The following UBE2L3 variants were observed in gnomAD, a reference collection of about 807,000 sequenced individuals.
UBE2L3 encodes the protein ubiquitin conjugating enzyme E2 L3.
Under a neutral mutation model 17.8 loss-of-function variants are expected in UBE2L3, and 1 was observed. The ratio of observed to expected loss-of-function variants is 0.06; its 90% CI spans 0.02 to 0.27. UBE2L3 has a LOEUF of 0.27. Ranked by LOEUF, UBE2L3 falls within the 10% of genes least tolerant of loss-of-function variation. UBE2L3 has a pLI of 1.00. For synonymous variants in UBE2L3, 44 were observed against 68.5 expected, an observed-to-expected ratio of 0.64 and a Z score of 1.76; for missense variants, 40 against 192.6, an observed-to-expected ratio of 0.21 and a Z score of 4.69.
intron 1 of UBE2L3, 165 bp downstream of exon 1, chr22:21,567,936 G>C: frequency 7.0e-7 from 1 of 1,425,586 alleles, no homozygotes; most frequent in South Asian, 1.5e-5. Flanking sequence ...AACGGGGCTG[G>C]CCTAGGCCGC....
At chr22:21,563,040 G>A (rs1438070416), upstream of UBE2L3, among the ~76,000 whole-genome samples, 2 of 151,050 alleles carry the variant, frequency 1.3e-5, no homozygotes, top group East Asian at 2.0e-4. Context: ...TCGGAAGTTC[G>A]AGATCAGCCT....
At chr22:21,600,842 A>C (rs1349754475) in intron 2 of UBE2L3, among the ~76,000 whole-genome samples, 1 of 152,182 alleles carries the variant, frequency 6.6e-6, no homozygotes, top group Non-Finnish European at 1.5e-5. Flanking sequence ...GATTCAAATA[A>C]CCAAAAAGCC....
chr22:21,581,375 A>G (rs1372774648), intron 1 of UBE2L3, among the ~76,000 whole-genome samples: 1 of 152,112 alleles, frequency 6.6e-6, no homozygotes, highest in East Asian at 1.9e-4. Flanking sequence ...TTATTTGTAG[A>G]GATGGGATCT....
intron 1 of UBE2L3, among the ~76,000 whole-genome samples, chr22:21,558,428 C>A (rs1212933871): frequency 2.0e-5 from 3 of 152,216 alleles, no homozygotes; most frequent in African/African-American, 4.8e-5. Flanking sequence ...GTCAGGAGAT[C>A]GAGACCATCC....
chr22:21,567,367 G>T (rs937686686), upstream of UBE2L3, among the ~76,000 whole-genome samples: 2 of 152,134 alleles, frequency 1.3e-5, no homozygotes, highest in African/African-American at 4.8e-5. Context: ...GTTTCACCAC[G>T]TTGGCCAGGC....
chr22:21,591,884 A>G (rs73166632), intron 1 of UBE2L3, among the ~76,000 whole-genome samples: 33,203 of 152,014 alleles, frequency 0.22, 4,420 homozygotes, highest in East Asian at 0.51. Flanking sequence ...TGAGGCGGGT[A>G]GAGTGGCACT....
intron 1 of UBE2L3, among the ~76,000 whole-genome samples, chr22:21,584,208 C>T (rs1174825573): frequency 5.5e-5 from 8 of 144,648 alleles, no homozygotes; most frequent in East Asian, 2.0e-4. Context: ...GACAGAGTCT[C>T]GCTCTGTCAC....
chr22:21,589,180 C>G (rs1928120130), intron 1 of UBE2L3, among the ~76,000 whole-genome samples: 1 of 142,256 alleles, frequency 7.0e-6, no homozygotes, highest in African/African-American at 2.7e-5. Flanking sequence ...GAGTCTCGCT[C>G]TGTCACCCAG....
intron 1 of UBE2L3, among the ~76,000 whole-genome samples, chr22:21,560,725 A>T (rs1926403871): frequency 6.6e-6 from 1 of 150,722 alleles, no homozygotes; most frequent in Non-Finnish European, 1.5e-5. Flanking sequence ...TGCTGAGATT[A>T]CAGGCATGAG....
intron 1 of UBE2L3, among the ~76,000 whole-genome samples, chr22:21,579,416 A>C (rs1037341636): frequency 1.3e-5 from 2 of 152,124 alleles, no homozygotes; most frequent in Non-Finnish European, 2.9e-5. Flanking sequence ...AAATGAGAGA[A>C]TTGCATTAGA....
chr22:21,570,328 C>G (rs1312967023), intron 1 of UBE2L3, among the ~76,000 whole-genome samples: 1 of 152,008 alleles, frequency 6.6e-6, no homozygotes, highest in Non-Finnish European at 1.5e-5. Flanking sequence ...AAAAAACAGA[C>G]CTTGGAAAAA....
At chr22:21,580,805 G>A (rs1259996233) in intron 1 of UBE2L3, among the ~76,000 whole-genome samples, 1 of 151,000 alleles carries the variant, frequency 6.6e-6, no homozygotes, top group East Asian at 2.0e-4. Context: ...GGCTGGCCTC[G>A]AACTCCTGAC....
chr22:21,558,556 G>C lies in UBE2L3; in HGVS notation c.201+8906G>C, dbSNP rs1303965459. Among the ~76,000 whole-genome samples the C allele has an allele frequency of 5.3e-5, 8 of 151,978 alleles. No individual in the cohort carries two copies. The East Asian group carries it at 1.4e-3, about 26-fold the overall frequency. Reference sequence around the variant, plus strand: ...TGAGGGAGGAGAATGGCGTGAACCCGGGAGGCAGAGCTTGCAGTGAGCCAA... The same window carrying C: ...TGAGGGAGGAGAATGGCGTGAACCCCGGAGGCAGAGCTTGCAGTGAGCCAA... On this transcript the variant is annotated intron_variant, in intron 1 of 3. Coordinates refer to the UBE2L3 transcript ENST00000458578.
chr22:21,557,644 T>G (rs1601381079), intron 1 of UBE2L3, among the ~76,000 whole-genome samples: 1 of 152,266 alleles, frequency 6.6e-6, no homozygotes, highest in Admixed American at 6.5e-5. Context: ...TGCCTCAGCC[T>G]CCCGAGTAGC....
At chr22:21,575,608 C>G (rs1403873594) in intron 1 of UBE2L3, among the ~76,000 whole-genome samples, 1 of 112,150 alleles carries the variant, frequency 8.9e-6, no homozygotes, top group Non-Finnish European at 1.8e-5. Context: ...GAAAAGTTTA[C>G]TTTTCCCAAC....
intron 1 of UBE2L3, among the ~76,000 whole-genome samples, chr22:21,573,405 G>A (rs1290117978): frequency 6.6e-6 from 1 of 152,064 alleles, no homozygotes; most frequent in Non-Finnish European, 1.5e-5. Context: ...CTGTACCAGG[G>A]TAACTTTTTG....
chr22:21,612,053 A>T lies in UBE2L3; in HGVS notation c.310+1010A>T, dbSNP rs1261797872. On this transcript the variant is annotated intron_variant, in intron 3 of 3. Transcript: ENST00000342192. ...TAACTCAGCTGAACTTTTGACCTGC[A>T]CAGGGATTGAGGAGGTCCCTTGTTT... is the stretch of plus-strand genomic sequence containing the variant. Among the ~76,000 whole-genome samples the T allele has an allele frequency of 2.0e-5, 3 of 152,198 alleles. No homozygotes were observed. The East Asian group carries it at 5.8e-4, about 29-fold the overall frequency.
intron 3 of UBE2L3, chr22:21,614,510 C>A: frequency 8.0e-7 from 1 of 1,255,380 alleles, no homozygotes; most frequent in Non-Finnish European, 1.1e-6. Flanking sequence ...CTTCCTTTGT[C>A]TCCAGAGCAC....
At chr22:21,616,750 C>A (rs1039464612) in intron 3 of UBE2L3, among the ~76,000 whole-genome samples, 5 of 150,990 alleles carry the variant, frequency 3.3e-5, no homozygotes, top group African/African-American at 1.2e-4. Context: ...AACACCCCCC[C>A]CCTTTTTTTA....
Sources: gnomAD v4.1 joint callset for allele counts (sites outside exome capture counted in the v4.1 genomes callset) on GRCh38, gnomAD v4.1.1 for gene constraint, MANE v1.5 for transcripts, NCBI Gene and HGNC (gene_info 2026-07-23, HGNC 2026-07-21) for gene names.